The following FKBP11 variants were observed in gnomAD, a reference collection of about 807,000 sequenced individuals.
FKBP11 encodes peptidyl-prolyl cis-trans isomerase FKBP11.
A neutral mutation model predicts 24.7 loss-of-function variants in FKBP11; 21 were observed. The ratio of observed to expected loss-of-function variants is 0.85; its 90% CI spans 0.60 to 1.23. The LOEUF is 1.23. Ranked by LOEUF, FKBP11 falls within the 50% of genes most tolerant of loss-of-function variation. The pLI, the probability that FKBP11 is intolerant of heterozygous loss-of-function variation, is 0.00. For synonymous variants in FKBP11, 106 were observed against 100.6 expected, an observed-to-expected ratio of 1.05 and a Z score of -0.32; for missense variants, 245 against 248.7, an observed-to-expected ratio of 0.99 and a Z score of 0.10.
chr12:48,924,087 C>T (rs964857173), intron 4 of FKBP11, 136 bp downstream of exon 4: 1 of 1,068,206 alleles, frequency 9.4e-7, no homozygotes, highest in African/African-American at 1.6e-5. Flanking sequence ...CCTCAGAGGT[C>T]CCACTGACCT....
At chr12:48,927,975 A>G (rs1303517118), upstream of FKBP11, among the ~76,000 whole-genome samples, 13 of 151,388 alleles carry the variant, frequency 8.6e-5, no homozygotes. Flanking sequence ...GAAGGGGGAA[A>G]GAGTAGTTCA....
chr12:48,924,695 C>G (rs762437202), intron 2 of FKBP11, 47 bp from the exon 3 acceptor site: 2 of 1,601,248 alleles, frequency 1.2e-6, no homozygotes, highest in Admixed American at 1.7e-5. Context: ...CCCTCTCCCT[C>G]CCAGCAGGCG....
At chr12:48,931,429 T>C (rs760636661), upstream of FKBP11, 1 of 1,536,138 alleles carries the variant, frequency 6.5e-7, no homozygotes, top group South Asian at 1.2e-5. Flanking sequence ...CAAGCCCATC[T>C]GCACCCTGGA....
the FKBP11 span, chr12:48,938,318 A>G: frequency 2.2e-6 from 1 of 449,922 alleles, no homozygotes; most frequent in Non-Finnish European, 4.5e-6. Flanking sequence ...CGGCTTGACT[A>G]ATGCCCTCCC....
rs1160407201 is a variant in FKBP11 at position 48,925,395 on chromosome 12, G to A, written c.34C>T (p.Leu12=). Residue 12 remains leucine (L), a synonymous_variant, in exon 1 of 6, where the codon CTG becomes TTG. Transcript: ENST00000550765. ...GCACTGAGCAGCAGCAGCAGCAGCA[G>A]ATGGAGCGGGAGGAGTGAGGGGCGC... ...TLRPSLLPLH[L]LLLLLLSAAV... is the part of the protein sequence containing the mutation. 3 of 1,588,200 alleles carry A rather than the reference G, an allele frequency of 1.9e-6. No individual in the cohort carries two copies. The highest frequency in any genetic ancestry group is 2.3e-5 in the East Asian group (1 of 44,128).
At chr12:48,938,366 G>A in the FKBP11 span, 3 of 454,226 alleles carry the variant, frequency 6.6e-6, no homozygotes, top group African/African-American at 6.0e-5. Flanking sequence ...GGAAGGGGCA[G>A]ATGACAGGCT....
At chr12:48,932,705 C>CTTAAAA in the FKBP11 span, among the ~76,000 whole-genome samples, 1 of 152,104 alleles carries the variant, frequency 6.6e-6, no homozygotes, top group Non-Finnish European at 1.5e-5. Context: ...CCCTCCAAGC[C>CTTAAAA]TTAAAAGTCC....
intron 2 of FKBP11, 182 bp from the exon 3 acceptor site, chr12:48,924,830 C>T (rs1364508622): frequency 3.5e-6 from 5 of 1,447,490 alleles, no homozygotes; most frequent in Non-Finnish European, 3.6e-6. Flanking sequence ...TCTCTCCACC[C>T]TGCACTTCTC....
chr12:48,938,430 G>GC, the FKBP11 span: 1 of 387,540 alleles, frequency 2.6e-6, no homozygotes. Context: ...CCCCCTCCCC[G>GC]CTCCCCCCGG....
rs373749317 is a variant in FKBP11 at position 48,923,867 on chromosome 12, G to A, written c.318-15C>T. The A allele has an allele frequency of 6.2e-7, 1 of 1,613,324 alleles. No individual in the cohort carries two copies. The highest frequency in any genetic ancestry group is 8.5e-7 in the Non-Finnish European group (1 of 1,179,352). ...TTCGCTTCTCTCTGAGGGAAGGAAT[G>A]TCAGTCACAGCCAGAGGCAGGAGAG... On this transcript the variant is annotated splice_polypyrimidine_tract_variant and intron_variant, in intron 4 of 5. Coordinates refer to ENST00000550765, the MANE Select transcript of FKBP11 (RefSeq NM_016594.3).
At chr12:48,925,022 GC>G in intron 2 of FKBP11, 23 bp downstream of exon 2, 1 of 818,404 alleles carries the variant, frequency 1.2e-6, no homozygotes, top group Non-Finnish European at 1.9e-6. Flanking sequence ...CCCAGGCCCC[GC>G]CCCGGCCCCC....
chr12:48,932,199 A>T, the FKBP11 span, among the ~76,000 whole-genome samples: 1 of 125,384 alleles, frequency 8.0e-6, no homozygotes, highest in Non-Finnish European at 1.7e-5. Flanking sequence ...TAAACATATA[A>T]TTGTATATAT....
At position 48,925,056 on chromosome 12, in the gene FKBP11, A is replaced by T; in HGVS notation, c.185T>A (p.Ile62Lys). ...CCCCAGACCCCTCACCGTGTAGTGT[A>T]TGTGAAGCGTGTCTCCAAAAGCAGC... ...EPAAFGDTLH[I>K]HYTGSLVDGR... is the part of the protein sequence containing the mutation. The change falls in exon 2 of 6, where the codon ATA becomes AAA. Residue 62 changes from isoleucine (I) to lysine (K), a missense_variant. By Grantham distance (102) the Ile-to-Lys change is moderately radical (BLOSUM62 -3). Transcript: ENST00000550765. The T allele has an allele frequency of 1.3e-6, 2 of 1,535,982 alleles. No individual in the cohort carries two copies. The highest frequency in any genetic ancestry group is 1.8e-6 in the Non-Finnish European group (2 of 1,130,702).
At chr12:48,930,598 C>A (rs1940035285), upstream of FKBP11, among the ~76,000 whole-genome samples, 1 of 152,088 alleles carries the variant, frequency 6.6e-6, no homozygotes, top group Non-Finnish European at 1.5e-5. Flanking sequence ...GTTGTGCTAA[C>A]AGAGCTAAAG....
chr12:48,932,904 T>C, the FKBP11 span, among the ~76,000 whole-genome samples: 49,693 of 151,994 alleles, frequency 0.33, 9,131 homozygotes, highest in Admixed American at 0.47. Context: ...GAAGGGTACA[T>C]GGGTAGAACT....
the FKBP11 span, chr12:48,938,234 T>A: frequency 2.7e-6 from 1 of 363,848 alleles, no homozygotes; most frequent in Non-Finnish European, 5.5e-6. Flanking sequence ...TGGTGAAGAA[T>A]CCATCATCTG....
chr12:48,923,061 T>C (rs1274786543), intron 5 of FKBP11: 3 of 810,628 alleles, frequency 3.7e-6, no homozygotes, highest in South Asian at 1.6e-5. Flanking sequence ...GACAGGAGAA[T>C]TGCTTGAACC....
chr12:48,930,811 A>G (rs898503707), upstream of FKBP11, among the ~76,000 whole-genome samples: 2 of 152,144 alleles, frequency 1.3e-5, no homozygotes, highest in Non-Finnish European at 2.9e-5. Flanking sequence ...GAGACTAGAG[A>G]GAGGTGGCTG....
At chr12:48,923,399 G>C in intron 5 of FKBP11, 2 of 1,476,096 alleles carry the variant, frequency 1.4e-6, no homozygotes, top group Non-Finnish European at 1.8e-6. Context: ...TCTCTTCCCT[G>C]ATGGAGGCTG....
Sources: gnomAD v4.1 joint callset for allele counts (sites outside exome capture counted in the v4.1 genomes callset) on GRCh38, gnomAD v4.1.1 for gene constraint, MANE v1.5 for transcripts, NCBI Gene and HGNC (gene_info 2026-07-23, HGNC 2026-07-21) for gene names.